Variants in TRPM5 observed in about 807,000 individuals in gnomAD.
TRPM5 encodes the protein transient receptor potential cation channel subfamily M member 5, also known as MLSN1 and TRP-related.
Under a neutral mutation model 124.9 loss-of-function variants are expected in TRPM5, and 121 were observed. That is an observed-to-expected ratio of 0.97 (90% CI 0.84 to 1.13). The LOEUF (loss-of-function observed/expected upper bound fraction) is 1.13, where lower values mean the gene tolerates loss of function less well. TRPM5 is among the 50% of genes most tolerant of loss of function. The pLI, the probability that TRPM5 is intolerant of heterozygous loss-of-function variation, is 0.00. For synonymous variants in TRPM5, 781 were observed against 700.5 expected (o/e 1.11, Z -1.81); for missense variants, 1,643 against 1,589.1 (o/e 1.03, Z -0.58).
intron 18 of TRPM5, among the ~76,000 whole-genome samples, chr11:2,409,468 G>C (rs188762686): frequency 1.3e-5 from 2 of 152,214 alleles, no homozygotes; most frequent in Admixed American, 6.5e-5. Flanking sequence ...GGGGCCTGGA[G>C]ACCCAGAGAA....
At chr11:2,427,369 G>A (rs1304203089), upstream of TRPM5, among the ~76,000 whole-genome samples, 2 of 152,232 alleles carry the variant, frequency 1.3e-5, no homozygotes, top group Non-Finnish European at 2.9e-5. Context: ...TGGCCAAGGC[G>A]CGGGTGGAGC....
At chr11:2,428,867 G>A in the TRPM5 span, among the ~76,000 whole-genome samples, 1 of 151,540 alleles carries the variant, frequency 6.6e-6, no homozygotes, top group Non-Finnish European at 1.5e-5. This position sits in a 1 kb window ranked among gnomAD's most constrained non-coding sequence, Gnocchi z 4.0. Context: ...GATCATGGTG[G>A]TGGTAGTGAT....
the TRPM5 span, among the ~76,000 whole-genome samples, chr11:2,434,275 ACT>A: frequency 1.0e-4 from 15 of 143,658 alleles, no homozygotes; most frequent in African/African-American, 1.6e-4. Context: ...CTGTGTGGAC[ACT>A]GTGTGACTGC....
chr11:2,420,247 G>T (rs1845751531), exon 4 of TRPM5: 1 of 1,608,464 alleles, frequency 6.2e-7, no homozygotes, highest in Non-Finnish European at 8.5e-7. Flanking sequence ...TCTGCTCCGA[G>T]ATGTGCTTCT....
rs538398031 is a variant in TRPM5 at position 2,412,238 on chromosome 11, C to T, written c.2371G>A (p.Glu791Lys). The T allele has an allele frequency of 9.9e-6, 16 of 1,613,032 alleles. No homozygotes were observed. The South Asian group carries it at 1.3e-4, about 13-fold the overall frequency. Reference sequence around the variant, plus strand: ...AACTTCTTCACCAGGTGTGTGTCCTCGTCTGTGAAGAAGCCCTGGGAGGGA... The same window carrying T: ...AACTTCTTCACCAGGTGTGTGTCCTTGTCTGTGAAGAAGCCCTGGGAGGGA... The change falls in exon 16 of 24, where the codon GAG becomes AAG. Residue 791 changes from glutamate to lysine, a missense_variant. Transcript: ENST00000155858.
intron 12 of TRPM5, 52 bp downstream of exon 17, chr11:2,414,009 G>GGGGCGCCCCCCCCCCCCCCC: frequency 2.0e-6 from 2 of 1,023,724 alleles, no homozygotes; most frequent in East Asian, 2.8e-5. Flanking sequence ...GGCCCAGCTC[G>GGGGCGCCCCCCCCCCCCCCC]CCCGCCCACC....
At chr11:2,412,993 C>A in exon 15 of TRPM5, 1 of 1,605,538 alleles carries the variant, frequency 6.2e-7, no homozygotes, top group South Asian at 1.1e-5. Context: ...GCCCTCGGCG[C>A]CTCCACCAGC....
At chr11:2,410,304 C>T (rs1850419401) in intron 18 of TRPM5, among the ~76,000 whole-genome samples, 1 of 152,308 alleles carries the variant, frequency 6.6e-6, no homozygotes. Flanking sequence ...GGCCGTCATC[C>T]CCTCAACAAA....
At chr11:2,443,972 T>C in the TRPM5 span, among the ~76,000 whole-genome samples, 1 of 151,904 alleles carries the variant, frequency 6.6e-6, no homozygotes. This position sits in a 1 kb window ranked among gnomAD's most constrained non-coding sequence, Gnocchi z 5.0. Flanking sequence ...GTCTCGACGG[T>C]GGGGAGGACA....
chr11:2,424,393 C>A (rs1002006603), upstream of TRPM5, among the ~76,000 whole-genome samples: 8 of 152,234 alleles, frequency 5.3e-5, no homozygotes, highest in Non-Finnish European at 8.8e-5. Context: ...AGCACAGTTA[C>A]TGCATCCCCA....
chr11:2,426,381 G>A (rs1214460180), upstream of TRPM5, among the ~76,000 whole-genome samples: 1 of 152,194 alleles, frequency 6.6e-6, no homozygotes, highest in Non-Finnish European at 1.5e-5. Flanking sequence ...AGAGGGAGGT[G>A]ATGCAAACAG....
At chr11:2,412,248 G>A (rs1589869070) in exon 16 of TRPM5, 2 of 1,612,952 alleles carry the variant, frequency 1.2e-6, no homozygotes, top group Non-Finnish European at 1.7e-6. Context: ...CGTCTGTGAA[G>A]AAGCCCTGGG....
intron 7 of TRPM5, among the ~76,000 whole-genome samples, chr11:2,416,538 AC>A (rs1189772665): frequency 2.0e-5 from 3 of 152,130 alleles, no homozygotes; most frequent in African/African-American, 7.2e-5. Context: ...AGCCTCCACA[AC>A]CATGGACCCC....
chr11:2,405,710 TC>T (rs1850305174), intron 22 of TRPM5, 117 bp from the exon 28 acceptor site: 2 of 1,149,026 alleles, frequency 1.7e-6, no homozygotes, highest in Non-Finnish European at 2.5e-6. Flanking sequence ...GACTCCTCCC[TC>T]TGAGAGCTGC....
upstream of TRPM5, among the ~76,000 whole-genome samples, chr11:2,425,898 T>C (rs1255313413): frequency 6.6e-6 from 1 of 152,162 alleles, no homozygotes; most frequent in African/African-American, 2.4e-5. Context: ...CTCCTTCTTC[T>C]CTTCCCTTCG....
chr11:2,416,525 C>A (rs1228012315), intron 7 of TRPM5, among the ~76,000 whole-genome samples: 1 of 152,220 alleles, frequency 6.6e-6, no homozygotes, highest in Non-Finnish European at 1.5e-5. Flanking sequence ...GCTCACCAGC[C>A]TCAGCCTCCA....
At chr11:2,418,387 C>T (rs1394089564) in intron 5 of TRPM5, 29 bp from the exon 11 acceptor site, 3 of 1,536,504 alleles carry the variant, frequency 2.0e-6, no homozygotes, top group Non-Finnish European at 8.8e-7. Context: ...GGAGAGCGGA[C>T]CCCAGATTAG....
the TRPM5 span, among the ~76,000 whole-genome samples, chr11:2,430,881 TTGGTGA>T: frequency 8.6e-6 from 1 of 116,748 alleles, no homozygotes; most frequent in African/African-American, 3.4e-5. Flanking sequence ...GGTGGTGGTT[TTGGTGA>T]TGGTGACGGT....
rs1850474977 is a variant in TRPM5 at position 2,412,608 on chromosome 11, C to T, written c.2355+146G>A. 1.4e-5 allele frequency: 13 copies of T among 907,216 alleles called. No homozygotes were observed. The South Asian group carries it at 2.3e-4, about 16-fold the overall frequency. 56.2% of individuals were successfully genotyped at this position (907,216 alleles called of 1,614,324 possible). ...GCTCGGTCTTTGACCAGGATCATGG[C>T]CGCTGGTGACTGGGAAGATGGGAGG... is the stretch of plus-strand genomic sequence containing the variant. On this transcript the variant is annotated intron_variant, in intron 15 of 23. Transcript: ENST00000155858.
Sources: allele counts gnomAD v4.1 joint callset (sites outside exome capture counted in the v4.1 genomes callset), GRCh38; gene constraint gnomAD v4.1.1; non-coding constraint Gnocchi (gnomAD v3.1); transcripts MANE v1.5; gene names NCBI Gene and HGNC (gene_info 2026-07-23, HGNC 2026-07-21).